The following FAM53A variants were observed in gnomAD, a reference collection of about 807,000 sequenced individuals.
The protein encoded by FAM53A is family with sequence similarity 53 member A.
A neutral mutation model predicts 26.6 loss-of-function variants in FAM53A; 28 were observed. The observed-to-expected ratio is 1.05, with a 90% confidence interval of 0.78 to 1.45. FAM53A has a LOEUF of 1.45. FAM53A is among the 40% of genes most tolerant of loss of function. The probability of loss-of-function intolerance (pLI) is 0.00; values close to 1 mark genes in which losing one functional copy is unlikely to be tolerated. For synonymous variants in FAM53A, 290 were observed against 253.1 expected, an observed-to-expected ratio of 1.15 and a Z score of -1.38; for missense variants, 650 against 575.8, an observed-to-expected ratio of 1.13 and a Z score of -1.32.
chr4:1,642,780 T>A (rs1711842187), intron 4 of FAM53A, among the ~76,000 whole-genome samples: 1 of 147,268 alleles, frequency 6.8e-6, no homozygotes, highest in Non-Finnish European at 1.5e-5. Flanking sequence ...CAGCCCCACC[T>A]GCCGGGTCAC....
chr4:1,576,377 C>T, the FAM53A span, among the ~76,000 whole-genome samples: 1 of 152,192 alleles, frequency 6.6e-6, no homozygotes, highest in Non-Finnish European at 1.5e-5. Flanking sequence ...TAAATTATTC[C>T]ATAACCGTGA....
chr4:1,620,056 A>G (rs1714961703), intron 1 of FAM53A, among the ~76,000 whole-genome samples: 1 of 152,034 alleles, frequency 6.6e-6, no homozygotes, highest in Admixed American at 6.5e-5. Context: ...AAATATACAA[A>G]AATTAGCCGG....
exon 2 of FAM53A, chr4:1,617,936 T>A (rs898921753): frequency 5.5e-5 from 23 of 420,160 alleles, no homozygotes; most frequent in Non-Finnish European, 9.7e-5. Context: ...AGCAACTCCT[T>A]CACCAAGAGA....
At chr4:1,685,508 T>A (rs1032659483), upstream of FAM53A, among the ~76,000 whole-genome samples, 1 of 152,070 alleles carries the variant, frequency 6.6e-6, no homozygotes, top group Non-Finnish European at 1.5e-5. Flanking sequence ...GCAGCACCCC[T>A]GGGGCTGGAT....
upstream of FAM53A, chr4:1,684,391 C>T (rs1715667772): frequency 6.7e-6 from 1 of 148,252 alleles, no homozygotes; most frequent in South Asian, 1.8e-4. Flanking sequence ...GCCGCCGCCG[C>T]GAGCCCGTCA....
chr4:1,671,799 A>G (rs1187124004), intron 1 of FAM53A, among the ~76,000 whole-genome samples: 1 of 152,258 alleles, frequency 6.6e-6, no homozygotes, highest in Admixed American at 6.5e-5. Context: ...GATTGCACAA[A>G]GCACACACAC....
At chr4:1,682,678 TCTTC>T (rs1011305049) in intron 1 of FAM53A, among the ~76,000 whole-genome samples, 5 of 152,162 alleles carry the variant, frequency 3.3e-5, no homozygotes, top group South Asian at 2.1e-4. Flanking sequence ...GATTAGAGCC[TCTTC>T]CTATTTCTGT....
intron 3 of FAM53A, among the ~76,000 whole-genome samples, chr4:1,656,005 C>A (rs1713351958): frequency 1.3e-5 from 2 of 152,198 alleles, no homozygotes; most frequent in Non-Finnish European, 2.9e-5. Context: ...AACCGCACGG[C>A]TCTGCTCTCC....
chr4:1,645,929 A>G (rs1436581659), intron 4 of FAM53A, among the ~76,000 whole-genome samples: 4 of 152,140 alleles, frequency 2.6e-5, no homozygotes, highest in African/African-American at 9.7e-5. Flanking sequence ...GGCCTGCACA[A>G]GACACGAGAG....
At chr4:1,636,195 AATAGTCCATTTCTG>A (rs1189239531), downstream of FAM53A, among the ~76,000 whole-genome samples, 2 of 151,990 alleles carry the variant, frequency 1.3e-5, no homozygotes, top group Non-Finnish European at 2.9e-5. Context: ...CTGGCCTATA[AATAGTCCATTTCTG>A]ATAGGCTCCA....
the FAM53A span, among the ~76,000 whole-genome samples, chr4:1,587,632 AC>A: frequency 6.6e-6 from 1 of 152,200 alleles, no homozygotes; most frequent in African/African-American, 2.4e-5. Context: ...AGATTGCGCC[AC>A]TGCACTCCAG....
In FAM53A at chr4:1,657,888, C is replaced by T. The variant is rs372037291; in HGVS notation, c.76-420G>A. 2.9e-3 allele frequency among the ~76,000 whole-genome samples: 434 copies of T among 152,256 alleles called. 3 individuals are homozygous for T. Among genetic ancestry groups the T allele is most frequent in the African/African-American group, 0.01 (422 of 41,546 alleles). On this transcript the variant is annotated intron_variant, in intron 2 of 4. Coordinates refer to ENST00000308132, the MANE Select transcript of FAM53A (RefSeq NM_001174070.3). The stretch of plus-strand genomic sequence containing the variant: ...TCTCCTGACCTCGTGATCCGCCCGC[C>T]TCAGCCTCCTAAAGTGCTGGAATTA...
intron 1 of FAM53A, among the ~76,000 whole-genome samples, chr4:1,675,688 G>A (rs1033923286): frequency 1.3e-5 from 2 of 152,116 alleles, no homozygotes; most frequent in African/African-American, 4.8e-5. Flanking sequence ...CCATACACTG[G>A]GCAACCCTTG....
At position 1,652,416 on chromosome 4, in the gene FAM53A, C is replaced by T. The variant is rs530459020; in HGVS notation, c.882+2562G>A. ...ACACCACACACACCAGACACACACACGCCACATACACACCACACATCACAC... is the reference window on the plus strand; with the variant it reads ...ACACCACACACACCAGACACACACATGCCACATACACACCACACATCACAC... On this transcript the variant is annotated intron_variant, in intron 4 of 4. Coordinates refer to ENST00000308132, the MANE Select transcript of FAM53A (RefSeq NM_001174070.3). Among the ~76,000 whole-genome samples, 13 of 139,788 alleles carry T rather than the reference C, an allele frequency of 9.3e-5. No individual in the cohort carries two copies. In the East Asian group the frequency reaches 2.4e-3, roughly 25 times the overall value. 91.7% of individuals were successfully genotyped at this position (139,788 alleles called of 152,430 possible).
intron 1 of FAM53A, among the ~76,000 whole-genome samples, chr4:1,622,782 T>C (rs2108748341): frequency 6.6e-6 from 1 of 152,190 alleles, no homozygotes; most frequent in Middle Eastern, 3.4e-3. Context: ...GCACCACATT[T>C]CCAAGCCCTC....
chr4:1,657,424 G>A lies in FAM53A; in HGVS notation c.120C>T (p.Phe40=), dbSNP rs1713471550. The change falls in exon 3 of 5, where the codon TTC becomes TTT. Residue 40 remains phenylalanine, a synonymous_variant. Coordinates refer to ENST00000308132, the MANE Select transcript of FAM53A (RefSeq NM_001174070.3). ...AGTGCTCACCGTTGAGCTCCAAAGGGAACAGACGACCGCTCTTGTTCAGGG... is the reference window on the plus strand; with the variant it reads ...AGTGCTCACCGTTGAGCTCCAAAGGAAACAGACGACCGCTCTTGTTCAGGG... ...AETLNKSGRL[F]PLELNDQSPW... 7 of 1,613,780 alleles carry A rather than the reference G, an allele frequency of 4.3e-6. No individual in the cohort carries two copies. The East Asian group carries it at 1.1e-4, about 26-fold the overall frequency.
the FAM53A span, among the ~76,000 whole-genome samples, chr4:1,595,172 C>T: frequency 0.013 from 1,908 of 152,338 alleles, 47 homozygotes; most frequent in African/African-American, 0.043. Context: ...AGGACAGAAA[C>T]GCACAACTGG....
downstream of FAM53A, among the ~76,000 whole-genome samples, chr4:1,616,116 G>A (rs960943170): frequency 2.0e-5 from 3 of 152,208 alleles, no homozygotes; most frequent in Non-Finnish European, 4.4e-5. Flanking sequence ...TCAAGACACC[G>A]GCAAGACGAA....
chr4:1,658,804 G>A (rs1713610930), intron 2 of FAM53A, among the ~76,000 whole-genome samples: 1 of 152,226 alleles, frequency 6.6e-6, no homozygotes, highest in South Asian at 2.1e-4. Flanking sequence ...GGTCCTGCCG[G>A]GTGCCCGGCA....
Sources: gnomAD v4.1 joint callset for allele counts (sites outside exome capture counted in the v4.1 genomes callset) on GRCh38, gnomAD v4.1.1 for gene constraint, MANE v1.5 for transcripts, NCBI Gene and HGNC (gene_info 2026-07-23, HGNC 2026-07-21) for gene names.